VPS13B: variants seen among roughly 807,000 people sequenced by gnomAD.
VPS13B encodes the protein intermembrane lipid transfer protein VPS13B.
Under a neutral mutation model 426.4 loss-of-function variants are expected in VPS13B, and 285 were observed. That is an observed-to-expected ratio of 0.67 (90% CI 0.61 to 0.74). The LOEUF is 0.74. Ranked by LOEUF, VPS13B falls within the 30% of genes least tolerant of loss-of-function variation. The pLI, the probability that VPS13B is intolerant of heterozygous loss-of-function variation, is 0.00. For synonymous variants in VPS13B, 1,676 were observed against 1,676.4 expected (o/e 1.00, Z 0.01); for missense variants, 4,537 against 4,782.6 (o/e 0.95, Z 1.51).
intron 5 of VPS13B, among the ~76,000 whole-genome samples, chr8:99,109,908 A>T (rs897353619): frequency 6.6e-6 from 1 of 152,186 alleles, no homozygotes; most frequent in Non-Finnish European, 1.5e-5. Context: ...TCAGAAAATG[A>T]TAATTGTTAT....
chr8:99,311,086 G>A (rs1017786158), intron 19 of VPS13B, among the ~76,000 whole-genome samples: 4 of 151,900 alleles, frequency 2.6e-5, no homozygotes, highest in Non-Finnish European at 5.9e-5. Flanking sequence ...TCTTGCTTTG[G>A]TCTATCAATT....
intron 30 of VPS13B, among the ~76,000 whole-genome samples, chr8:99,522,277 G>A (rs1822411084): frequency 6.6e-6 from 1 of 152,088 alleles, no homozygotes; most frequent in African/African-American, 2.4e-5. Flanking sequence ...TACTTCAGAA[G>A]TAAGTGGTCC....
intron 56 of VPS13B, among the ~76,000 whole-genome samples, chr8:99,857,127 G>A (rs1816587987): frequency 6.6e-6 from 1 of 152,166 alleles, no homozygotes; most frequent in Admixed American, 6.5e-5. Context: ...TTTCTGACCA[G>A]CTAAGATGTC....
rs768885034 is a variant in VPS13B at position 99,823,820 on chromosome 8, A to G, written c.9184-12A>G. Reference sequence around the variant, plus strand: ...GTATTGTCAAAATTATTTTTTCTCAATTATCTTGTAGTTATGTCAGTTCTG... The same window carrying G: ...GTATTGTCAAAATTATTTTTTCTCAGTTATCTTGTAGTTATGTCAGTTCTG... On this transcript the variant is annotated splice_polypyrimidine_tract_variant and intron_variant, in intron 50 of 61. Transcript: ENST00000357162. 4 of 1,612,592 alleles carry G rather than the reference A, an allele frequency of 2.5e-6. No individual in the cohort carries two copies. The highest frequency in any genetic ancestry group is 2.2e-5 in the East Asian group (1 of 44,810).
intron 25 of VPS13B, among the ~76,000 whole-genome samples, chr8:99,499,972 A>G (rs781512572): frequency 1.3e-5 from 2 of 152,180 alleles, no homozygotes; most frequent in Non-Finnish European, 2.9e-5. Context: ...TTATAAAACA[A>G]TGAGGTTAAA....
chr8:99,200,260 T>C (rs1814228100), intron 17 of VPS13B, among the ~76,000 whole-genome samples: 1 of 152,212 alleles, frequency 6.6e-6, no homozygotes, highest in African/African-American at 2.4e-5. Flanking sequence ...CAAATAGTAT[T>C]CCATTTTATC....
At chr8:99,317,623 A>G (rs768204813) in intron 19 of VPS13B, among the ~76,000 whole-genome samples, 1 of 152,106 alleles carries the variant, frequency 6.6e-6, no homozygotes, top group Non-Finnish European at 1.5e-5. Flanking sequence ...TCCTCCCTTA[A>G]TTTGAAGTGA....
chr8:99,163,277 T>C (rs1307275169), intron 15 of VPS13B, among the ~76,000 whole-genome samples: 1 of 152,208 alleles, frequency 6.6e-6, no homozygotes, highest in African/African-American at 2.4e-5. Flanking sequence ...TTACAATCCC[T>C]GAGCTAGATA....
chr8:99,423,746 C>CTTTTCA (rs1816515792), intron 21 of VPS13B, among the ~76,000 whole-genome samples: 6 of 152,122 alleles, frequency 3.9e-5, no homozygotes, highest in Admixed American at 1.3e-4. Flanking sequence ...AAAAGTATGT[C>CTTTTCA]TGGTTTGATT....
Position 99,724,111 on chromosome 8 carries a change from A to G in VPS13B, c.7050+3064A>G, listed in dbSNP as rs187588031. ...AGAACGATACAAAATATTTTGTTTC[A>G]TTAGAACTTCAGTTGAGGACAGAAC... is the stretch of plus-strand genomic sequence containing the variant. On this transcript the variant is annotated intron_variant, in intron 39 of 61. Transcript: ENST00000357162. Among the ~76,000 whole-genome samples, 81 of 152,332 alleles carry G rather than the reference A, an allele frequency of 5.3e-4. 1 individual carries two copies. In the East Asian group the frequency reaches 0.015, roughly 28 times the overall value.
At chr8:99,380,709 T>C (rs1335639204) in intron 19 of VPS13B, among the ~76,000 whole-genome samples, 3 of 137,724 alleles carry the variant, frequency 2.2e-5, no homozygotes, top group Non-Finnish European at 4.7e-5. Context: ...TGTCTTTTTA[T>C]ATATCAGTTT....
chr8:99,093,355 A>T (rs1588027162), intron 3 of VPS13B, among the ~76,000 whole-genome samples: 2 of 149,116 alleles, frequency 1.3e-5, no homozygotes, highest in African/African-American at 2.4e-5. Context: ...AAATTTGGAA[A>T]TTTTTTTTTT....
intron 23 of VPS13B, among the ~76,000 whole-genome samples, chr8:99,458,430 A>C (rs1818631479): frequency 5.3e-5 from 8 of 152,158 alleles, no homozygotes; most frequent in Admixed American, 5.2e-4. Flanking sequence ...TTGGGTATAT[A>C]CCCAGTAATG....
intron 2 of VPS13B, among the ~76,000 whole-genome samples, chr8:99,023,776 G>T (rs1842015034): frequency 1.3e-5 from 2 of 152,170 alleles, no homozygotes; most frequent in Admixed American, 1.3e-4. Context: ...ACTGCACCCA[G>T]CTTATACCAC....
chr8:99,373,379 CTATAAT>C (rs10599357), intron 19 of VPS13B, among the ~76,000 whole-genome samples: 9,673 of 151,312 alleles, frequency 0.064, 569 homozygotes, highest in African/African-American at 0.16. Flanking sequence ...TCAAAGCTGT[CTATAAT>C]TATCTTTATT....
chr8:99,490,225 C>T (rs1254338471), intron 25 of VPS13B, among the ~76,000 whole-genome samples: 1 of 152,118 alleles, frequency 6.6e-6, no homozygotes, highest in Non-Finnish European at 1.5e-5. Context: ...ATATGTTGAA[C>T]CAGCCTTGCA....
At chr8:99,107,364 G>A (rs180970037) in intron 5 of VPS13B, among the ~76,000 whole-genome samples, 1 of 152,050 alleles carries the variant, frequency 6.6e-6, no homozygotes, top group African/African-American at 2.4e-5. Context: ...GTAAAAAAGA[G>A]TATACCCCAA....
rs144301332 is a variant in VPS13B, at chr8:99,655,518, T to C, written c.5909-5836T>C. 2.2e-4 allele frequency among the ~76,000 whole-genome samples: 33 copies of C among 152,278 alleles called. No homozygotes were observed. In the East Asian group the frequency reaches 4.1e-3, roughly 19 times the overall value. On this transcript the variant is annotated intron_variant, in intron 34 of 61. Transcript: ENST00000357162. ...TTCGCATTTCACTGGTAGGAAGGCA[T>C]AGGGAGTCCCGAGGAGGTGGGTTAG...
intron 4 of VPS13B, among the ~76,000 whole-genome samples, 185 bp from the exon 5 acceptor site, chr8:99,102,768 G>T (rs941291238): frequency 6.6e-6 from 1 of 152,058 alleles, no homozygotes; most frequent in African/African-American, 2.4e-5. Context: ...TGTTGGGGTC[G>T]ATCTGCTACT....
Sources: allele counts gnomAD v4.1 joint callset (sites outside exome capture counted in the v4.1 genomes callset), GRCh38; gene constraint gnomAD v4.1.1; transcripts MANE v1.5; gene names NCBI Gene and HGNC (gene_info 2026-07-23, HGNC 2026-07-21).